Variants in ANXA8 observed in about 807,000 individuals in gnomAD.
ANXA8 encodes annexin A8, also known as VAC-beta.
Under a neutral mutation model 26.8 loss-of-function variants are expected in ANXA8, and 9 were observed. The ratio of observed to expected loss-of-function variants is 0.34; its 90% CI spans 0.20 to 0.59. The LOEUF is 0.59. ANXA8 is among the 20% of genes least tolerant of loss of function. The pLI is 0.84. For synonymous variants in ANXA8, 39 were observed against 94.8 expected (o/e 0.41, Z 3.42); for missense variants, 83 against 238.5 (o/e 0.35, Z 4.29).
At chr10:47,585,534 C>G in the ANXA8 span, among the ~76,000 whole-genome samples, 676 of 143,376 alleles carry the variant, frequency 4.7e-3, 33 homozygotes, top group African/African-American at 0.017. Flanking sequence ...ACCTGCAGGT[C>G]TGATTTGAGG....
At chr10:47,511,001 T>A in the ANXA8 span, among the ~76,000 whole-genome samples, 10 of 128,734 alleles carry the variant, frequency 7.8e-5, no homozygotes, top group African/African-American at 2.8e-4. Context: ...TGGAGTGCAG[T>A]GGCGCGATCT....
At chr10:47,548,982 CTATGA>C in the ANXA8 span, among the ~76,000 whole-genome samples, 252 of 152,378 alleles carry the variant, frequency 1.7e-3, no homozygotes, top group Non-Finnish European at 2.6e-3. Context: ...ATGGTACTTA[CTATGA>C]TATATTTGTA....
At chr10:47,617,702 T>C in the ANXA8 span, among the ~76,000 whole-genome samples, 1 of 149,004 alleles carries the variant, frequency 6.7e-6, no homozygotes, top group African/African-American at 2.6e-5. Flanking sequence ...TCACTGAGAT[T>C]GAGTCTAGGT....
chr10:47,977,799 A>G, the ANXA8 span, among the ~76,000 whole-genome samples: 1 of 151,526 alleles, frequency 6.6e-6, no homozygotes, highest in Non-Finnish European at 1.5e-5. Flanking sequence ...AAAAGAATGA[A>G]GAAAAATGAA....
At chr10:47,744,431 A>AGGGGGGAAGGGGGGGGTGGGGGGGG in the ANXA8 span, among the ~76,000 whole-genome samples, 1 of 5,396 alleles carries the variant, frequency 1.9e-4, no homozygotes, top group Non-Finnish European at 3.1e-4. Context: ...GTTGGGGGGG[A>AGGGGGGAAGGGGGGGGTGGGGGGGG]GGGGGGAAGA....
At chr10:47,736,653 TTTTC>T in the ANXA8 span, among the ~76,000 whole-genome samples, 2 of 149,192 alleles carry the variant, frequency 1.3e-5, no homozygotes, top group African/African-American at 4.9e-5. Context: ...TCTTTTTCTT[TTTTC>T]TTTTTCTTTT....
chr10:47,928,991 T>C, the ANXA8 span, among the ~76,000 whole-genome samples: 1 of 98,734 alleles, frequency 1.0e-5, no homozygotes, highest in Non-Finnish European at 2.3e-5. Flanking sequence ...TCCAGGCTGG[T>C]TTTCCTTTTT....
At chr10:47,975,288 A>G in the ANXA8 span, among the ~76,000 whole-genome samples, 2 of 149,580 alleles carry the variant, frequency 1.3e-5, no homozygotes, top group Non-Finnish European at 3.0e-5. Context: ...GCCATGTTCA[A>G]AGAAGAAAGT....
the ANXA8 span, among the ~76,000 whole-genome samples, chr10:47,928,812 G>A: frequency 2.5e-5 from 3 of 118,788 alleles, no homozygotes; most frequent in African/African-American, 9.8e-5. Flanking sequence ...CTGGAATGCA[G>A]TGGCATGAAC....
chr10:47,494,008 A>G, the ANXA8 span, among the ~76,000 whole-genome samples: 1 of 108,916 alleles, frequency 9.2e-6, no homozygotes, highest in South Asian at 3.5e-4. Flanking sequence ...AGCCCCGTCC[A>G]TGGGCCCCAG....
the ANXA8 span, among the ~76,000 whole-genome samples, chr10:47,589,919 A>AGATG: frequency 2.1e-5 from 3 of 142,646 alleles, no homozygotes; most frequent in Non-Finnish European, 4.4e-5. Context: ...ATAGATAGAT[A>AGATG]GATAGATAGA....
the ANXA8 span, among the ~76,000 whole-genome samples, chr10:47,650,085 G>A: frequency 6.7e-6 from 1 of 148,574 alleles, no homozygotes; most frequent in Non-Finnish European, 1.5e-5. Context: ...GCACGCGCCT[G>A]TAATCCCAAC....
the ANXA8 span, among the ~76,000 whole-genome samples, chr10:47,600,529 A>C: frequency 1.3e-5 from 2 of 149,000 alleles, 1 homozygote; most frequent in African/African-American, 5.2e-5. Flanking sequence ...CAACTGAGGC[A>C]CTATCACTAG....
the ANXA8 span, among the ~76,000 whole-genome samples, chr10:47,506,829 C>T: frequency 1.0e-4 from 14 of 139,310 alleles, 1 homozygote; most frequent in East Asian, 6.0e-4. Flanking sequence ...TTAGTAGAGA[C>T]GGGGTTTCGC....
the ANXA8 span, among the ~76,000 whole-genome samples, chr10:47,499,366 G>C: frequency 7.6e-6 from 1 of 131,478 alleles, no homozygotes. Context: ...TGTCCCTTCA[G>C]TCAGGTCACT....
the ANXA8 span, chr10:47,696,323 A>G: frequency 2.3e-6 from 1 of 431,224 alleles, no homozygotes; most frequent in African/African-American, 2.1e-5. Context: ...AGGCATGCAT[A>G]ATATTTTGCT....
At chr10:47,487,959 C>T (rs1840076292), upstream of ANXA8, among the ~76,000 whole-genome samples, 1 of 150,574 alleles carries the variant, frequency 6.6e-6, no homozygotes. Context: ...AACTCATATG[C>T]TGAAATCCTC....
the ANXA8 span, among the ~76,000 whole-genome samples, chr10:47,673,625 C>T: frequency 2.0e-5 from 3 of 151,788 alleles, no homozygotes; most frequent in South Asian, 2.1e-4. Flanking sequence ...CTGACCGTGG[C>T]GCTTAATGCA....
the ANXA8 span, among the ~76,000 whole-genome samples, chr10:47,743,846 C>T: frequency 6.8e-6 from 1 of 146,248 alleles, no homozygotes; most frequent in Non-Finnish European, 1.5e-5. Context: ...GGGACACCGC[C>T]GTCTGCAGGC....
Sources: allele counts gnomAD v4.1 joint callset (sites outside exome capture counted in the v4.1 genomes callset), GRCh38; gene constraint gnomAD v4.1.1; transcripts MANE v1.5; gene names NCBI Gene and HGNC (gene_info 2026-07-23, HGNC 2026-07-21).